The following CTNNA3 variants were observed in gnomAD, a reference collection of about 807,000 sequenced individuals.
CTNNA3 encodes catenin alpha-3.
A neutral mutation model predicts 95.7 loss-of-function variants in CTNNA3; 76 were observed. The ratio of observed to expected loss-of-function variants is 0.79; its 90% CI spans 0.66 to 0.96. The LOEUF (loss-of-function observed/expected upper bound fraction) is 0.96. Ranked by LOEUF, CTNNA3 falls within the 40% of genes least tolerant of loss-of-function variation. CTNNA3 has a pLI of 0.00. For synonymous variants in CTNNA3, 431 were observed against 374.4 expected (o/e 1.15, Z -1.74); for missense variants, 1,191 against 1,089.8 (o/e 1.09, Z -1.31).
At chr10:67,134,885 AGACACAGAAG>A (rs1860218314) in intron 7 of CTNNA3, among the ~76,000 whole-genome samples, 1 of 152,112 alleles carries the variant, frequency 6.6e-6, no homozygotes, top group Non-Finnish European at 1.5e-5. Context: ...GTCACTCTGT[AGACACAGAAG>A]TAAAAGGCAA....
rs557679534 is a variant in CTNNA3, at chr10:66,742,938, T to C, written c.1281+23326A>G. Reference sequence around the variant, plus strand: ...GGTTTATATTTTACATCATTTCCTCTGCCCCTGGTTTTCTACCGTTTATAC... The same window carrying C: ...GGTTTATATTTTACATCATTTCCTCCGCCCCTGGTTTTCTACCGTTTATAC... On this transcript the variant is annotated intron_variant, in intron 9 of 17. Coordinates refer to ENST00000433211, the MANE Select transcript of CTNNA3 (RefSeq NM_013266.4). Among the ~76,000 whole-genome samples the C allele has an allele frequency of 2.6e-5, 4 of 152,222 alleles. No individual in the cohort carries two copies. The South Asian group carries it at 8.3e-4, about 32-fold the overall frequency.
intron 5 of CTNNA3, among the ~76,000 whole-genome samples, chr10:67,511,990 T>A (rs1031590476): frequency 6.6e-6 from 1 of 152,192 alleles, no homozygotes; most frequent in Admixed American, 6.5e-5. Context: ...CGTAGAGGTG[T>A]TTATAGTATT....
intron 17 of CTNNA3, among the ~76,000 whole-genome samples, chr10:65,944,924 T>C (rs909001988): frequency 4.0e-5 from 6 of 151,354 alleles, no homozygotes; most frequent in African/African-American, 1.5e-4. Flanking sequence ...CTATTTATCA[T>C]CTATCTATAA....
At chr10:67,531,848 T>A (rs1014781384) in intron 4 of CTNNA3, among the ~76,000 whole-genome samples, 3 of 152,136 alleles carry the variant, frequency 2.0e-5, no homozygotes, top group African/African-American at 7.2e-5. Flanking sequence ...GGTGATTGAA[T>A]TACAGGGCCA....
chr10:66,038,707 T>G (rs2079618339), intron 15 of CTNNA3, among the ~76,000 whole-genome samples: 1 of 152,180 alleles, frequency 6.6e-6, no homozygotes, highest in African/African-American at 2.4e-5. Context: ...GACCACTTGA[T>G]GGAGGCATGA....
intron 7 of CTNNA3, among the ~76,000 whole-genome samples, chr10:66,813,316 T>C (rs185076713): frequency 1.8e-4 from 27 of 152,316 alleles, no homozygotes; most frequent in Admixed American, 3.3e-4. Context: ...CAAGTGTCTT[T>C]TTCTCCTCCT....
At chr10:66,494,986 T>A (rs1840052393) in intron 11 of CTNNA3, among the ~76,000 whole-genome samples, 1 of 152,192 alleles carries the variant, frequency 6.6e-6, no homozygotes, top group Non-Finnish European at 1.5e-5. Flanking sequence ...CAGCTCCCCC[T>A]CATTGCGTAT....
intron 1 of CTNNA3, among the ~76,000 whole-genome samples, chr10:67,680,034 G>T (rs2133566652): frequency 6.6e-6 from 1 of 152,304 alleles, no homozygotes; most frequent in South Asian, 2.1e-4. Flanking sequence ...ATTATTATTA[G>T]TGGGTCAGAA....
intron 10 of CTNNA3, among the ~76,000 whole-genome samples, chr10:66,611,403 A>G (rs185348063): frequency 1.1e-3 from 172 of 152,240 alleles, no homozygotes; most frequent in African/African-American, 3.8e-3. Context: ...CAAAATATAT[A>G]TAACTATGAT....
intron 1 of CTNNA3, among the ~76,000 whole-genome samples, chr10:67,684,373 C>T (rs1482040134): frequency 6.6e-6 from 1 of 152,106 alleles, no homozygotes; most frequent in Non-Finnish European, 1.5e-5. Context: ...CTGATTTGTG[C>T]GTTTTTACAG....
Position 67,467,707 on chromosome 10 carries a change from TTTA to T in CTNNA3, c.579+54132_579+54134del, listed in dbSNP as rs955914415. The stretch of plus-strand genomic sequence containing the variant: ...CTGTAAGTTTCTTTATTTTATTTTA[TTTA>T]TTATTATTATTATTATTTTTGAGAT... On this transcript the variant is annotated intron_variant, in intron 5 of 17. Coordinates refer to ENST00000433211, the MANE Select transcript of CTNNA3 (RefSeq NM_013266.4). 4.6e-5 allele frequency among the ~76,000 whole-genome samples: 7 copies of T among 151,306 alleles called. No homozygotes were observed. The East Asian group carries it at 5.8e-4, about 13-fold the overall frequency.
At chr10:67,544,358 A>G (rs1045547507) in intron 3 of CTNNA3, among the ~76,000 whole-genome samples, 1 of 152,134 alleles carries the variant, frequency 6.6e-6, no homozygotes, top group Non-Finnish European at 1.5e-5. Flanking sequence ...GGACCAAAAA[A>G]AACAGGATGA....
chr10:66,621,155 T>C (rs1844732228), intron 10 of CTNNA3, among the ~76,000 whole-genome samples: 1 of 152,186 alleles, frequency 6.6e-6, no homozygotes, highest in Non-Finnish European at 1.5e-5. Context: ...AAAGAGTCAA[T>C]TCTTTCAGCT....
chr10:66,621,694 G>A lies in CTNNA3; in HGVS notation c.1372C>T (p.Gln458Ter). The A allele has an allele frequency of 6.3e-7, 1 of 1,585,112 alleles. No individual in the cohort carries two copies. The highest frequency in any genetic ancestry group is 8.6e-7 in the Non-Finnish European group (1 of 1,157,156). The change falls in exon 10 of 18, where the codon CAG (glutamine) becomes TAG (stop). Residue 458 changes from glutamine (Q) to a stop codon, truncating the protein, a stop_gained and splice_region_variant. Coordinates refer to ENST00000433211, the MANE Select transcript of CTNNA3 (RefSeq NM_013266.4). LOFTEE classifies it high-confidence loss of function. The part of the protein sequence containing the change: ...AANHLETLCP[Q>*]IINAALALAA... ...AAAAAGTAACTTAGTTGTCATACCT[G>A]TGGACACAAGGTTTCCAAATGATTG...
At chr10:66,450,900 A>T (rs2093459176) in intron 11 of CTNNA3, among the ~76,000 whole-genome samples, 1 of 152,198 alleles carries the variant, frequency 6.6e-6, no homozygotes, top group African/African-American at 2.4e-5. Context: ...AGATAAAGTA[A>T]CATAAGACTA....
At chr10:66,736,395 G>A (rs1849143486) in intron 9 of CTNNA3, among the ~76,000 whole-genome samples, 1 of 150,846 alleles carries the variant, frequency 6.6e-6, no homozygotes, top group Non-Finnish European at 1.5e-5. Context: ...GTTTCACCAT[G>A]TTGCCCAGGC....
chr10:66,237,555 G>C (rs2089914903), intron 13 of CTNNA3, among the ~76,000 whole-genome samples: 2 of 117,550 alleles, frequency 1.7e-5, no homozygotes, highest in Middle Eastern at 4.8e-3. Context: ...ACATAATAGA[G>C]TTTTGTGATT....
rs562066615 is a variant in CTNNA3 at position 65,919,014 on chromosome 10, T to C, written c.*1316A>G. Reference sequence around the variant, plus strand: ...AAAAAGGTACAATATAATACTATTATGATAATGTAGAATAGAAAATGTTTT... The same window carrying C: ...AAAAAGGTACAATATAATACTATTACGATAATGTAGAATAGAAAATGTTTT... On this transcript the variant is annotated 3_prime_UTR_variant, in exon 18 of 18. Coordinates refer to ENST00000433211, the MANE Select transcript of CTNNA3 (RefSeq NM_013266.4). 1.3e-5 allele frequency: 2 copies of C among 152,164 alleles called. No homozygotes were observed. Among genetic ancestry groups the C allele is most frequent in the African/African-American group, 4.8e-5 (2 of 41,452 alleles). 9.4% of individuals were successfully genotyped at this position (152,164 alleles called of 1,614,324 possible). A position where few individuals can be genotyped will look rare whatever the true frequency, so the allele number is the denominator to read the frequency against.
intron 9 of CTNNA3, among the ~76,000 whole-genome samples, chr10:66,674,703 T>C (rs2394286): frequency 0.9 from 136,528 of 152,058 alleles, 61,501 homozygotes; most frequent in East Asian, 1. Flanking sequence ...TCTCCAATGA[T>C]GGGTAATACT....
Sources: allele counts gnomAD v4.1 joint callset (sites outside exome capture counted in the v4.1 genomes callset), GRCh38; gene constraint gnomAD v4.1.1; transcripts MANE v1.5; gene names NCBI Gene and HGNC (gene_info 2026-07-23, HGNC 2026-07-21).